FLT1: variants seen among roughly 807,000 people sequenced by gnomAD.
FLT1 encodes the protein vascular endothelial growth factor receptor 1.
FLT1 carries 49 observed loss-of-function variants against 156.3 expected under a neutral mutation model. The ratio of observed to expected loss-of-function variants is 0.31; its 90% CI spans 0.25 to 0.40. FLT1 has a LOEUF of 0.40. Among genes scored for constraint, FLT1 ranks in the 10% least tolerant of loss-of-function variants. The probability of loss-of-function intolerance (pLI) is 1.00; values close to 1 mark genes in which losing one functional copy is unlikely to be tolerated. For synonymous variants in FLT1, 594 were observed against 583.8 expected, an observed-to-expected ratio of 1.02 and a Z score of -0.25; for missense variants, 1,322 against 1,637.2, an observed-to-expected ratio of 0.81 and a Z score of 3.32.
At chr13:28,400,127 A>C (rs1875343503) in intron 11 of FLT1, among the ~76,000 whole-genome samples, 2 of 152,224 alleles carry the variant, frequency 1.3e-5, no homozygotes, top group Admixed American at 6.5e-5. Context: ...AGACTCTTTA[A>C]GTTGAATAAC....
At chr13:28,453,843 T>C (rs747208442) in intron 3 of FLT1, among the ~76,000 whole-genome samples, 4 of 152,200 alleles carry the variant, frequency 2.6e-5, no homozygotes, top group Non-Finnish European at 4.4e-5. Flanking sequence ...CTGTGCTGGG[T>C]CCTGGGGCTA....
At chr13:28,389,439 G>A in intron 13 of FLT1, 1 of 1,294,686 alleles carries the variant, frequency 7.7e-7, no homozygotes, top group Non-Finnish European at 9.8e-7. Context: ...TTGTTTATCA[G>A]GCAGGAGAAA....
In FLT1 at chr13:28,301,595, G is replaced by T. The variant is rs1195275871; in HGVS notation, c.*1572C>A. ...GGAAGCATACTCTTCTCCCCAAGAA[G>T]CAGCAATCCACTGTTGCCTCTCCAG... is the stretch of plus-strand genomic sequence containing the variant. On this transcript the variant is annotated 3_prime_UTR_variant, in exon 30 of 30. Coordinates refer to ENST00000282397, the MANE Select transcript of FLT1 (RefSeq NM_002019.4). 1 of 233,282 alleles carries T rather than the reference G, an allele frequency of 4.3e-6. No homozygotes were observed. The highest frequency in any genetic ancestry group is 8.5e-6 in the Non-Finnish European group (1 of 117,916). 14.5% of individuals were successfully genotyped at this position (233,282 alleles called of 1,614,324 possible).
At chr13:28,387,018 T>C (rs1874406492) in intron 13 of FLT1, 1 of 1,038,782 alleles carries the variant, frequency 9.6e-7, no homozygotes. Context: ...AAGTATAGCA[T>C]CATCAACACA....
chr13:28,424,738 G>T (rs955282600), intron 10 of FLT1, among the ~76,000 whole-genome samples: 2 of 152,076 alleles, frequency 1.3e-5, no homozygotes, highest in Non-Finnish European at 2.9e-5. Flanking sequence ...ATTATTCTAC[G>T]TATTTGAGAG....
rs144110310 is a variant in FLT1 at position 28,332,114 on chromosome 13, G to A, written c.2593+1911C>T. Among the ~76,000 whole-genome samples, 5 of 152,174 alleles carry A rather than the reference G, an allele frequency of 3.3e-5. No individual in the cohort carries two copies. The East Asian group carries it at 9.7e-4, about 29-fold the overall frequency. ...GTGATGGTGTGAGCCTCTAGTCCCA[G>A]CTATTTGAGAGGCTGAGGTGGAAGG... On this transcript the variant is annotated intron_variant, in intron 18 of 29. Transcript: ENST00000282397.
intron 8 of FLT1, among the ~76,000 whole-genome samples, chr13:28,428,946 A>G (rs1317874836): frequency 6.6e-6 from 1 of 152,132 alleles, no homozygotes; most frequent in Non-Finnish European, 1.5e-5. Flanking sequence ...ATTTCCTACA[A>G]CAAGTCAGCA....
At chr13:28,446,799 T>G (rs1255252374) in intron 3 of FLT1, among the ~76,000 whole-genome samples, 1 of 152,204 alleles carries the variant, frequency 6.6e-6, no homozygotes, top group Non-Finnish European at 1.5e-5. Flanking sequence ...AAGGTGATTC[T>G]AAAATTCATA....
chr13:28,323,067 C>T (rs1040476898), intron 20 of FLT1, 121 bp from the exon 21 acceptor site: 9 of 1,059,624 alleles, frequency 8.5e-6, no homozygotes, highest in African/African-American at 1.6e-5. Context: ...CAAAATGGAT[C>T]GTGAACTAGC....
intron 10 of FLT1, among the ~76,000 whole-genome samples, chr13:28,423,387 C>T (rs961621086): frequency 3.9e-5 from 6 of 152,074 alleles, no homozygotes; most frequent in Non-Finnish European, 1.5e-5. Flanking sequence ...TCCTGAATTC[C>T]ACAGCCACCC....
At position 28,329,697 on chromosome 13, in the gene FLT1, C is replaced by T. The variant is rs772980978; in HGVS notation, c.2625G>A (p.Leu875=). The change falls in exon 19 of 30, where the codon CTG becomes CTA. Residue 875 remains leucine, a synonymous_variant. Coordinates refer to ENST00000282397, the MANE Select transcript of FLT1 (RefSeq NM_002019.4). ...GGGTCAAGATTTTTAGCTCAGTCAT[C>T]AGAGCTTTGTACTCGCTGGCCGTGG... is the stretch of plus-strand genomic sequence containing the variant. ...EGATASEYKA[L]MTELKILTHI... 3.1e-6 allele frequency: 5 copies of T among 1,614,192 alleles called. No homozygotes were observed. The highest frequency in any genetic ancestry group is 4.2e-6 in the Non-Finnish European group (5 of 1,180,016).
chr13:28,427,985 C>A (rs924109624), intron 8 of FLT1, 64 bp from the exon 9 acceptor site: 10 of 1,426,964 alleles, frequency 7.0e-6, no homozygotes, highest in Non-Finnish European at 8.9e-6. Flanking sequence ...TTTGATAACA[C>A]GGTCATTGAA....
At chr13:28,308,007 C>T (rs1387063615) in intron 28 of FLT1, among the ~76,000 whole-genome samples, 1 of 152,168 alleles carries the variant, frequency 6.6e-6, no homozygotes, top group Non-Finnish European at 1.5e-5. Context: ...CTCCTGACCT[C>T]GTGATCCGCC....
chr13:28,429,980 C>G (rs1275376550), intron 8 of FLT1, 70 bp downstream of exon 8: 1 of 1,012,466 alleles, frequency 9.9e-7, no homozygotes. Context: ...GAATTCGAGT[C>G]ATTAGGCTCT....
chr13:28,419,299 T>TCTA (rs1290564889), intron 10 of FLT1, among the ~76,000 whole-genome samples: 4 of 152,136 alleles, frequency 2.6e-5, no homozygotes, highest in African/African-American at 9.7e-5. Context: ...TAAGAAACAA[T>TCTA]CTACCAAGTC....
chr13:28,303,465 T>C, intron 29 of FLT1, 97 bp from the exon 30 acceptor site: 1 of 1,041,182 alleles, frequency 9.6e-7, no homozygotes, highest in Non-Finnish European at 1.4e-6. Context: ...CATTTGTTCA[T>C]ACCTGTCTAG....
rs533512432 is a variant in FLT1 at position 28,434,657 on chromosome 13, C to T, written c.514-437G>A. On this transcript the variant is annotated intron_variant, in intron 4 of 29. Transcript: ENST00000282397. ...CAGTACTTTGGGAGGCCGAGGTGGGCGGATCACCTGAGGTTAGCAGTTAGA... is the reference window on the plus strand; with the variant it reads ...CAGTACTTTGGGAGGCCGAGGTGGGTGGATCACCTGAGGTTAGCAGTTAGA... 1.1e-4 allele frequency among the ~76,000 whole-genome samples: 16 copies of T among 152,230 alleles called. No homozygotes were observed. In the East Asian group the frequency reaches 2.1e-3, roughly 20 times the overall value.
rs1371445627 is a variant in FLT1, at chr13:28,321,463, A to G, written c.3174T>C (p.Asp1058=). ...TCAAATAAACATCAAACTGACTTAC[A>G]TCTCCTTTTCTCACATAATCGGGGT... ...YKNPDYVRKG[D]TRLPLKWMAP... The change falls in exon 23 of 30, where the codon GAT becomes GAC. Residue 1058 remains aspartate (D), a splice_region_variant and synonymous_variant. Coordinates refer to ENST00000282397, the MANE Select transcript of FLT1 (RefSeq NM_002019.4). The G allele has an allele frequency of 1.9e-6, 3 of 1,613,972 alleles. No homozygotes were observed. The highest frequency in any genetic ancestry group is 2.2e-5 in the South Asian group (2 of 91,088).
chr13:28,361,868 G>A (rs1401643230), intron 14 of FLT1, among the ~76,000 whole-genome samples: 2 of 152,186 alleles, frequency 1.3e-5, no homozygotes, highest in Non-Finnish European at 2.9e-5. Context: ...TGGTTGAGGA[G>A]TTTCAATTCC....
Sources: allele counts gnomAD v4.1 joint callset (sites outside exome capture counted in the v4.1 genomes callset), GRCh38; gene constraint gnomAD v4.1.1; transcripts MANE v1.5; gene names NCBI Gene and HGNC (gene_info 2026-07-23, HGNC 2026-07-21).